Variants in AGBL1 observed in about 807,000 individuals in gnomAD.
AGBL1 encodes the protein AGBL carboxypeptidase 1.
AGBL1 carries 130 observed loss-of-function variants against 118.9 expected under a neutral mutation model. That is an observed-to-expected ratio of 1.09 (90% confidence interval 0.95 to 1.26). The LOEUF (loss-of-function observed/expected upper bound fraction) is 1.26. AGBL1 is among the 50% of genes most tolerant of loss of function. The pLI is 0.00. For missense variants in AGBL1, 1,584 were observed against 1,298.1 expected, an observed-to-expected ratio of 1.22 and a Z score of -3.38; for synonymous variants, 555 against 478.9, an observed-to-expected ratio of 1.16 and a Z score of -2.08.
At chr15:86,623,559 CA>C (rs768483439) in intron 21 of AGBL1, among the ~76,000 whole-genome samples, 1 of 152,170 alleles carries the variant, frequency 6.6e-6, no homozygotes, top group Admixed American at 6.5e-5. Context: ...GGAATGTCAC[CA>C]GCTCTGGATG....
chr15:86,797,146 A>G (rs1450248300), intron 22 of AGBL1, among the ~76,000 whole-genome samples: 1 of 152,250 alleles, frequency 6.6e-6, no homozygotes, highest in Non-Finnish European at 1.5e-5. Flanking sequence ...GGATATTTGT[A>G]GCACCTTGCC....
intron 1 of AGBL1, among the ~76,000 whole-genome samples, chr15:86,089,203 C>T (rs1320563565): frequency 1.3e-5 from 2 of 152,188 alleles, no homozygotes; most frequent in African/African-American, 4.8e-5. Flanking sequence ...TTGCTTGTGA[C>T]TGTTGACTTT....
Position 86,843,714 on chromosome 15 carries a change from A to AT in AGBL1, c.3159-63365dup, listed in dbSNP as rs1310013690. 9.2e-5 allele frequency among the ~76,000 whole-genome samples: 14 copies of AT among 152,162 alleles called. No homozygotes were observed. The East Asian group carries it at 1.7e-3, about 19-fold the overall frequency. On this transcript the variant is annotated intron_variant, in intron 22 of 22. Coordinates refer to ENST00000614907, the MANE Select transcript of AGBL1 (RefSeq NM_001386094.1). ...GACCTTCAAGAATCATATACTGAAG[A>AT]TTTTTTTTAGCTTTATTGAGGTATA...
In AGBL1 at chr15:86,613,648, GT is replaced by G. The variant is rs1369512105; in HGVS notation, c.2994+59114del. 6.6e-6 allele frequency among the ~76,000 whole-genome samples: 1 copy of G among 152,168 alleles called. No homozygotes were observed. The highest frequency in any genetic ancestry group is 1.5e-5 in the Non-Finnish European group (1 of 68,042). ...ACCAGCTACCTAAAGAAGGCATGAC[GT>G]TTCCCAGAAAGAGGGCATTTTCTAT... On this transcript the variant is annotated intron_variant, in intron 21 of 22. Transcript: ENST00000614907. The surrounding 1 kb of genome is among the most constrained non-coding windows in gnomAD (Gnocchi z 4.2).
Position 86,706,877 on chromosome 15 carries a change from G to C in AGBL1, c.3158+32441G>C, listed in dbSNP as rs78677285. On this transcript the variant is annotated intron_variant, in intron 22 of 22. Transcript: ENST00000614907. ...CACCTACTTAACCTAGCTTACTTCA[G>C]TTTTCTCTACCAGTTACTCATCTAT... Among the ~76,000 whole-genome samples the C allele has an allele frequency of 1.7e-3, 264 of 152,178 alleles. 3 individuals are homozygous for C. In the East Asian group the frequency reaches 0.022, roughly 12 times the overall value.
chr15:86,975,156 G>A (rs1199609939), intron 23 of AGBL1, among the ~76,000 whole-genome samples: 2 of 151,896 alleles, frequency 1.3e-5, no homozygotes, highest in Non-Finnish European at 2.9e-5. Flanking sequence ...TAAGGATACT[G>A]TATTAGTCTG....
chr15:86,622,345 A>AG (rs1253716734), intron 21 of AGBL1, among the ~76,000 whole-genome samples: 37 of 149,468 alleles, frequency 2.5e-4, no homozygotes, highest in African/African-American at 8.9e-4. Context: ...AAAAAAAAAA[A>AG]GGGGGTAGGG....
chr15:86,415,834 ACT>A (rs1383103576), intron 18 of AGBL1, among the ~76,000 whole-genome samples: 1 of 152,130 alleles, frequency 6.6e-6, no homozygotes, highest in Non-Finnish European at 1.5e-5. Context: ...CATTTTGTAC[ACT>A]AAGTTGTGCT....
chr15:86,391,468 C>T (rs577871540), intron 17 of AGBL1, among the ~76,000 whole-genome samples: 4 of 151,564 alleles, frequency 2.6e-5, no homozygotes, highest in Non-Finnish European at 4.4e-5. Context: ...TTCCTTCTAT[C>T]AGGTTGTGTA....
intron 22 of AGBL1, among the ~76,000 whole-genome samples, chr15:86,898,130 G>T (rs1295845262): frequency 6.6e-6 from 1 of 152,074 alleles, no homozygotes; most frequent in Non-Finnish European, 1.5e-5. Flanking sequence ...GCACAAAATA[G>T]CAGGAAAAAA....
chr15:86,980,885 CTT>C (rs36077192), intron 23 of AGBL1, among the ~76,000 whole-genome samples: 82 of 118,976 alleles, frequency 6.9e-4, no homozygotes, highest in African/African-American at 2.2e-3. Context: ...CAGAAACATC[CTT>C]TTTTTTTTTT....
intron 5 of AGBL1, among the ~76,000 whole-genome samples, chr15:86,183,732 T>C (rs775919020): frequency 1.2e-4 from 18 of 152,166 alleles, no homozygotes; most frequent in Non-Finnish European, 2.2e-4. Context: ...TAAAATCACA[T>C]TTTATGTGGT....
In AGBL1 at chr15:86,789,572, T is replaced by C. The variant is rs189211959; in HGVS notation, c.3158+115136T>C. Among the ~76,000 whole-genome samples, 27 of 152,260 alleles carry C rather than the reference T, an allele frequency of 1.8e-4. No homozygotes were observed. The East Asian group carries it at 4.7e-3, about 26-fold the overall frequency. On this transcript the variant is annotated intron_variant, in intron 22 of 22. Transcript: ENST00000614907. ...GAGTAATGAGCCTTTAAATTATACC[T>C]CCTGGCCAATGATCCAGGTCTAAGT...
At chr15:86,678,364 G>A (rs1277240790) in intron 22 of AGBL1, among the ~76,000 whole-genome samples, 1 of 152,022 alleles carries the variant, frequency 6.6e-6, no homozygotes, top group Admixed American at 6.6e-5. Context: ...AGGAGAAAAT[G>A]GGGTGCTGTT....
At chr15:86,089,843 C>G (rs1895903869) in intron 1 of AGBL1, among the ~76,000 whole-genome samples, 1 of 151,798 alleles carries the variant, frequency 6.6e-6, no homozygotes, top group African/African-American at 2.4e-5. Context: ...ATAAGCAAAT[C>G]CCACTTTCCC....
intron 23 of AGBL1, among the ~76,000 whole-genome samples, chr15:86,982,277 A>T (rs772935171): frequency 6.6e-6 from 1 of 152,148 alleles, no homozygotes; most frequent in Non-Finnish European, 1.5e-5. Context: ...AGCAGAGAAC[A>T]TATATTTTCA....
rs1278037319 is a variant in AGBL1, at chr15:86,256,842, C to T, written c.736-11C>T. On this transcript the variant is annotated splice_polypyrimidine_tract_variant and intron_variant, in intron 7 of 22. Transcript: ENST00000614907. The stretch of plus-strand genomic sequence containing the variant: ...GATGTTGGCATCTGATATAATCTTC[C>T]CTTTGCTCAGAACTGCCTGGATGAC... The T allele has an allele frequency of 3.6e-5, 58 of 1,613,282 alleles. No individual in the cohort carries two copies. Among genetic ancestry groups the T allele is most frequent in the Non-Finnish European group, 4.8e-5 (57 of 1,179,680 alleles).
At chr15:86,980,141 A>T (rs898163851) in intron 23 of AGBL1, among the ~76,000 whole-genome samples, 10 of 150,454 alleles carry the variant, frequency 6.6e-5, no homozygotes, top group African/African-American at 2.4e-4. Context: ...CTAGAGCAGC[A>T]ACTCAACTCA....
intron 17 of AGBL1, among the ~76,000 whole-genome samples, chr15:86,376,874 T>C (rs1056139900): frequency 1.3e-5 from 2 of 152,250 alleles, no homozygotes; most frequent in African/African-American, 4.8e-5. Flanking sequence ...GACTTATCTT[T>C]GGGTAAAGTT....
Sources: gnomAD v4.1 joint callset for allele counts (sites outside exome capture counted in the v4.1 genomes callset) on GRCh38, gnomAD v4.1.1 for gene constraint, Gnocchi (gnomAD v3.1) non-coding constraint, MANE v1.5 for transcripts, NCBI Gene and HGNC (gene_info 2026-07-23, HGNC 2026-07-21) for gene names.